Variants in ATRNL1 observed in about 807,000 individuals in gnomAD.
The protein encoded by ATRNL1 is attractin-like protein 1.
A neutral mutation model predicts 182.7 loss-of-function variants in ATRNL1; 95 were observed. The ratio of observed to expected loss-of-function variants is 0.52; its 90% CI spans 0.44 to 0.62. The LOEUF (loss-of-function observed/expected upper bound fraction) is 0.62. Among genes scored for constraint, ATRNL1 ranks in the 20% least tolerant of loss-of-function variants. ATRNL1 has a pLI of 0.00. For missense variants in ATRNL1, 1,471 were observed against 1,679.5 expected, an observed-to-expected ratio of 0.88 and a Z score of 2.17; for synonymous variants, 576 against 568.3, an observed-to-expected ratio of 1.01 and a Z score of -0.19.
At chr10:115,851,402 A>C (rs1020582225) in intron 28 of ATRNL1, among the ~76,000 whole-genome samples, 2 of 151,630 alleles carry the variant, frequency 1.3e-5, no homozygotes, top group Non-Finnish European at 2.9e-5. Context: ...TTTGGACTTG[A>C]TTTTCTTTCC....
chr10:115,515,598 A>G (rs147009049), intron 24 of ATRNL1, among the ~76,000 whole-genome samples: 164 of 152,028 alleles, frequency 1.1e-3, no homozygotes, highest in African/African-American at 3.9e-3. Context: ...TCTTTTTAAA[A>G]TGTTCTATGG....
intron 25 of ATRNL1, among the ~76,000 whole-genome samples, chr10:115,536,345 C>T (rs911873202): frequency 1.8e-4 from 27 of 152,186 alleles, no homozygotes; most frequent in Non-Finnish European, 3.1e-4. Context: ...CTCGCTGTTG[C>T]CTAGCAGTTT....
chr10:115,733,888 C>A (rs554138383), intron 27 of ATRNL1, among the ~76,000 whole-genome samples: 85 of 151,984 alleles, frequency 5.6e-4, no homozygotes, highest in African/African-American at 2.0e-3. Context: ...TTCATTATCC[C>A]ATTACCCATA....
At position 115,382,692 on chromosome 10, in the gene ATRNL1, C is replaced by CTTT. The variant is rs34063669; in HGVS notation, c.3176-11952_3176-11950dup. 2.6e-5 allele frequency among the ~76,000 whole-genome samples: 3 copies of CTTT among 114,282 alleles called. No individual in the cohort carries two copies. In the Admixed American group the frequency reaches 2.7e-4, roughly 10 times the overall value. The allele number at this position is 114,282 out of a possible 152,430, so 75.0% of individuals were successfully genotyped here. On this transcript the variant is annotated intron_variant, in intron 19 of 28. Coordinates refer to ENST00000355044, the MANE Select transcript of ATRNL1 (RefSeq NM_207303.4). The stretch of plus-strand genomic sequence containing the variant: ...TGGATACTTTTAATTCTGTTCTTTG[C>CTTT]TTTTTTTTTTTTTTTTTAATAGCTA...
At chr10:115,667,422 G>A (rs1861064511) in intron 26 of ATRNL1, among the ~76,000 whole-genome samples, 1 of 152,100 alleles carries the variant, frequency 6.6e-6, no homozygotes, top group Non-Finnish European at 1.5e-5. Flanking sequence ...GTTGGCTTAT[G>A]CGATTACATT....
At chr10:115,577,830 T>C (rs1854817111) in intron 26 of ATRNL1, among the ~76,000 whole-genome samples, 1 of 151,790 alleles carries the variant, frequency 6.6e-6, no homozygotes, top group South Asian at 2.1e-4. Context: ...CATTGTACCA[T>C]ATATTAGAGG....
chr10:115,625,639 A>T (rs145698512), intron 26 of ATRNL1, among the ~76,000 whole-genome samples: 208 of 152,306 alleles, frequency 1.4e-3, no homozygotes, highest in African/African-American at 4.6e-3. Flanking sequence ...ATAAATACAG[A>T]AAAATGAGGG....
intron 28 of ATRNL1, among the ~76,000 whole-genome samples, chr10:115,898,365 C>T (rs1414279262): frequency 6.6e-6 from 1 of 152,200 alleles, no homozygotes; most frequent in Non-Finnish European, 1.5e-5. Flanking sequence ...ATCCAGTTTG[C>T]ACCATGTGAT....
chr10:115,856,713 T>C (rs1480519382), intron 28 of ATRNL1, among the ~76,000 whole-genome samples: 1 of 152,050 alleles, frequency 6.6e-6, no homozygotes, highest in Non-Finnish European at 1.5e-5. Flanking sequence ...ACAATAGGGT[T>C]CGTGCTCCTT....
At chr10:115,737,863 T>C (rs1041421160) in intron 27 of ATRNL1, among the ~76,000 whole-genome samples, 2 of 152,100 alleles carry the variant, frequency 1.3e-5, no homozygotes, top group Non-Finnish European at 2.9e-5. Flanking sequence ...CAGTTCTCTC[T>C]AGACCAAGCC....
At chr10:115,440,001 T>C (rs1554965424) in intron 21 of ATRNL1, among the ~76,000 whole-genome samples, 2 of 151,968 alleles carry the variant, frequency 1.3e-5, no homozygotes, top group African/African-American at 4.8e-5. Flanking sequence ...TTAATTTGTT[T>C]AATTATTTAT....
intron 24 of ATRNL1, among the ~76,000 whole-genome samples, chr10:115,475,915 C>A (rs1554973016): frequency 6.6e-6 from 1 of 151,316 alleles, no homozygotes; most frequent in South Asian, 2.1e-4. Flanking sequence ...ACTTCTACTA[C>A]AAGTCATACA....
chr10:115,615,108 T>C (rs1857365712), intron 26 of ATRNL1, among the ~76,000 whole-genome samples: 2 of 152,184 alleles, frequency 1.3e-5, no homozygotes, highest in Admixed American at 1.3e-4. Flanking sequence ...TGTTTCTTTC[T>C]TACTTTTATT....
chr10:115,215,947 G>T, intron 9 of ATRNL1, 67 bp downstream of exon 9: 1 of 1,232,820 alleles, frequency 8.1e-7, no homozygotes, highest in Non-Finnish European at 1.1e-6. Context: ...CTTTAAAATG[G>T]TTTCTGACAT....
chr10:115,408,566 A>G (rs630362), intron 20 of ATRNL1, among the ~76,000 whole-genome samples: 57,863 of 151,844 alleles, frequency 0.38, 12,172 homozygotes, highest in African/African-American at 0.57. Flanking sequence ...GAAGTTTTTT[A>G]TCTTGATATA....
At chr10:115,804,010 A>C (rs1288037882) in intron 27 of ATRNL1, among the ~76,000 whole-genome samples, 1 of 152,184 alleles carries the variant, frequency 6.6e-6, no homozygotes, top group Admixed American at 6.5e-5. Flanking sequence ...ATTAGTTTTT[A>C]CTATATTCCA....
chr10:115,443,440 G>A (rs1037626006), intron 21 of ATRNL1, among the ~76,000 whole-genome samples: 10 of 151,792 alleles, frequency 6.6e-5, no homozygotes, highest in African/African-American at 2.4e-4. Context: ...GATTAATGAT[G>A]AGTTGAATCC....
At chr10:115,208,747 A>G (rs1037001259) in intron 8 of ATRNL1, among the ~76,000 whole-genome samples, 3 of 152,026 alleles carry the variant, frequency 2.0e-5, no homozygotes, top group South Asian at 2.1e-4. Flanking sequence ...CGTTTTGCAC[A>G]TGCAGATCAG....
intron 27 of ATRNL1, among the ~76,000 whole-genome samples, chr10:115,758,542 T>G (rs1948650981): frequency 6.6e-6 from 1 of 152,190 alleles, no homozygotes; most frequent in Non-Finnish European, 1.5e-5. Context: ...GCCAGAGCTC[T>G]CCTGTATGAG....
Sources: gnomAD v4.1 joint callset for allele counts (sites outside exome capture counted in the v4.1 genomes callset) on GRCh38, gnomAD v4.1.1 for gene constraint, MANE v1.5 for transcripts, NCBI Gene and HGNC (gene_info 2026-07-23, HGNC 2026-07-21) for gene names.